TAFA4: variants seen among roughly 807,000 people sequenced by gnomAD.
TAFA4 encodes chemokine-like protein TAFA-4.
Under a neutral mutation model 21.1 loss-of-function variants are expected in TAFA4, and 20 were observed. The ratio of observed to expected loss-of-function variants is 0.95; its 90% CI spans 0.67 to 1.38. The LOEUF is 1.38. Among genes scored for constraint, TAFA4 ranks in the 40% most tolerant of loss-of-function variants. TAFA4 has a pLI of 0.00. For synonymous variants in TAFA4, 71 were observed against 67.4 expected (o/e 1.05, Z -0.26); for missense variants, 211 against 180.9 (o/e 1.17, Z -0.95).
At chr3:68,758,225 G>C (rs1702695305) in intron 3 of TAFA4, among the ~76,000 whole-genome samples, 1 of 152,188 alleles carries the variant, frequency 6.6e-6, no homozygotes, top group African/African-American at 2.4e-5. Context: ...TGATGACAGT[G>C]TTTGTGTGAT....
intron 3 of TAFA4, among the ~76,000 whole-genome samples, chr3:68,879,987 G>C (rs955982664): frequency 5.9e-5 from 9 of 152,068 alleles, no homozygotes; most frequent in Non-Finnish European, 8.8e-5. Flanking sequence ...AATTATTCAG[G>C]AAAACACAAT....
intron 4 of TAFA4, among the ~76,000 whole-genome samples, chr3:68,744,705 G>T (rs115376193): frequency 0.037 from 5,700 of 152,106 alleles, 157 homozygotes; most frequent in Non-Finnish European, 0.055. Flanking sequence ...AGAACACTAT[G>T]CCACTTCTTA....
chr3:68,816,676 T>A (rs1183781887), intron 3 of TAFA4, among the ~76,000 whole-genome samples: 1 of 152,186 alleles, frequency 6.6e-6, no homozygotes, highest in Non-Finnish European at 1.5e-5. Context: ...CCTTTCTGAC[T>A]TGGGTACCTT....
At chr3:68,886,582 A>G (rs2089674316) in intron 1 of TAFA4, among the ~76,000 whole-genome samples, 1 of 152,158 alleles carries the variant, frequency 6.6e-6, no homozygotes, top group African/African-American at 2.4e-5. Flanking sequence ...CACAAAAGGA[A>G]CCACTGGGTA....
At chr3:68,905,504 T>C (rs1210101888) in intron 1 of TAFA4, among the ~76,000 whole-genome samples, 2 of 151,976 alleles carry the variant, frequency 1.3e-5, no homozygotes, top group Admixed American at 6.6e-5. Context: ...TCATAAAAAA[T>C]TAATATGTCA....
At chr3:68,875,300 G>T (rs371991857) in intron 3 of TAFA4, among the ~76,000 whole-genome samples, 1 of 151,628 alleles carries the variant, frequency 6.6e-6, no homozygotes, top group South Asian at 2.1e-4. Context: ...TCAATAGTAC[G>T]GTTGTTAAAT....
intron 3 of TAFA4, among the ~76,000 whole-genome samples, chr3:68,765,946 C>T (rs957395854): frequency 2.6e-5 from 4 of 152,102 alleles, no homozygotes; most frequent in Non-Finnish European, 4.4e-5. Flanking sequence ...AAAATAAGTC[C>T]ATTAGTCACC....
chr3:68,794,944 T>C (rs1703426363), intron 3 of TAFA4, among the ~76,000 whole-genome samples: 1 of 150,646 alleles, frequency 6.6e-6, no homozygotes, highest in Non-Finnish European at 1.5e-5. Context: ...AAACATATCC[T>C]ACCAAGTGTT....
At chr3:68,793,530 A>G (rs1347672304) in intron 3 of TAFA4, among the ~76,000 whole-genome samples, 1 of 152,216 alleles carries the variant, frequency 6.6e-6, no homozygotes, top group Non-Finnish European at 1.5e-5. Context: ...CAAAAATGGC[A>G]TTTTAACTTT....
chr3:68,805,680 T>A (rs1042015449), intron 3 of TAFA4, among the ~76,000 whole-genome samples: 32 of 152,028 alleles, frequency 2.1e-4, no homozygotes, highest in Admixed American at 1.4e-3. Flanking sequence ...CTGGAAACCA[T>A]CATTCTCAGC....
intron 3 of TAFA4, among the ~76,000 whole-genome samples, chr3:68,847,375 G>T (rs1375814564): frequency 6.6e-6 from 1 of 152,232 alleles, no homozygotes; most frequent in Non-Finnish European, 1.5e-5. Context: ...CTGCCACCAG[G>T]CTTGAGCATC....
intron 5 of TAFA4, 94 bp from the exon 6 acceptor site, chr3:68,733,247 T>C (rs1003381302): frequency 1.2e-5 from 18 of 1,468,674 alleles, no homozygotes; most frequent in Non-Finnish European, 1.6e-5. Context: ...TGACTGTGAA[T>C]ACTTTATCAG....
At chr3:68,831,074 A>G (rs895646746) in intron 3 of TAFA4, among the ~76,000 whole-genome samples, 5 of 152,122 alleles carry the variant, frequency 3.3e-5, no homozygotes, top group African/African-American at 1.2e-4. Flanking sequence ...TTTTGAGCCT[A>G]TGTGTGTCTT....
chr3:68,797,796 G>C (rs1331938048), intron 3 of TAFA4, among the ~76,000 whole-genome samples: 5 of 151,998 alleles, frequency 3.3e-5, no homozygotes, highest in Admixed American at 3.3e-4. Context: ...TGAGGGTGAC[G>C]AATACCATCA....
rs1320979179 is a variant in TAFA4, at chr3:68,752,990, A to G, written c.159T>C (p.Cys53=). Residue 53 remains cysteine (C), a synonymous_variant, in exon 4 of 6, where the codon TGT becomes TGC. Coordinates refer to ENST00000295569, the MANE Select transcript of TAFA4 (RefSeq NM_182522.5). The part of the protein sequence containing the change: ...AGHHQIKQGT[C]EVVAVHRCCN... ...AGCACCTGTGCACGGCGACCACCTC[A>G]CAGGTCCCTTGCTTGATTTGGTGGT... 3.1e-6 allele frequency: 5 copies of G among 1,613,648 alleles called. No homozygotes were observed. Among genetic ancestry groups the G allele is most frequent in the Admixed American group, 1.7e-5 (1 of 60,000 alleles).
intron 3 of TAFA4, among the ~76,000 whole-genome samples, chr3:68,876,019 G>A (rs992163605): frequency 2.0e-5 from 3 of 151,804 alleles, no homozygotes; most frequent in African/African-American, 7.3e-5. Context: ...ACTGACCCAT[G>A]AAAATTAAAA....
At chr3:68,739,875 G>T (rs563700852) in intron 4 of TAFA4, among the ~76,000 whole-genome samples, 14 of 152,192 alleles carry the variant, frequency 9.2e-5, no homozygotes, top group Non-Finnish European at 2.1e-4. Flanking sequence ...GACTTGGAAG[G>T]GTGGGAAGGA....
intron 3 of TAFA4, among the ~76,000 whole-genome samples, chr3:68,815,210 C>T (rs1240773958): frequency 6.6e-6 from 1 of 152,050 alleles, no homozygotes; most frequent in Non-Finnish European, 1.5e-5. Context: ...CCATAAAAAC[C>T]CTAGAAGAAA....
intron 3 of TAFA4, among the ~76,000 whole-genome samples, chr3:68,770,357 T>A (rs1702930304): frequency 6.6e-6 from 1 of 152,220 alleles, no homozygotes; most frequent in Non-Finnish European, 1.5e-5. Context: ...TGATAGCATG[T>A]TCTGAAATGC....
Sources: gnomAD v4.1 joint callset for allele counts (sites outside exome capture counted in the v4.1 genomes callset) on GRCh38, gnomAD v4.1.1 for gene constraint, MANE v1.5 for transcripts, NCBI Gene and HGNC (gene_info 2026-07-23, HGNC 2026-07-21) for gene names.